The following COL22A1 variants were observed in gnomAD, a reference collection of about 807,000 sequenced individuals.
COL22A1 encodes collagen type XXII alpha 1 chain.
COL22A1 carries 221 observed loss-of-function variants against 248.9 expected under a neutral mutation model. The ratio of observed to expected loss-of-function variants is 0.89; its 90% CI spans 0.80 to 0.99. The LOEUF (loss-of-function observed/expected upper bound fraction) is 0.99. Among genes scored for constraint, COL22A1 ranks in the 50% least tolerant of loss-of-function variants. The pLI is 0.00. For missense variants in COL22A1, 2,240 were observed against 2,179.0 expected, an observed-to-expected ratio of 1.03 and a Z score of -0.56; for synonymous variants, 891 against 793.4, an observed-to-expected ratio of 1.12 and a Z score of -2.07.
chr8:138,778,416 A>G lies in COL22A1; in HGVS notation c.1705-10T>C. ...GTGGTCCTTGGGGCCCCTGCAGAAG[A>G]GCATTTACAGAGTAAAGTTTCAGGG... On this transcript the variant is annotated splice_polypyrimidine_tract_variant and intron_variant, in intron 14 of 64. Transcript: ENST00000303045. The G allele has an allele frequency of 3.2e-6, 5 of 1,582,042 alleles. No homozygotes were observed. Among genetic ancestry groups the G allele is most frequent in the Non-Finnish European group, 4.3e-6 (5 of 1,168,800 alleles).
chr8:138,667,349 G>A (rs1340595463), intron 41 of COL22A1, among the ~76,000 whole-genome samples: 1 of 152,136 alleles, frequency 6.6e-6, no homozygotes, highest in Non-Finnish European at 1.5e-5. Context: ...CAAACCTAGA[G>A]AGAGAGCAAG....
intron 13 of COL22A1, among the ~76,000 whole-genome samples, chr8:138,780,385 G>A (rs930475255): frequency 1.3e-5 from 2 of 152,296 alleles, no homozygotes; most frequent in Admixed American, 6.5e-5. Flanking sequence ...GGTGAAGAAC[G>A]CAGAACTAAT....
At chr8:138,715,171 A>C (rs530236009) in intron 30 of COL22A1, among the ~76,000 whole-genome samples, 1 of 152,330 alleles carries the variant, frequency 6.6e-6, no homozygotes, top group South Asian at 2.1e-4. Flanking sequence ...TTATAATTGC[A>C]AACAATAAAG....
intron 1 of COL22A1, among the ~76,000 whole-genome samples, chr8:138,896,290 G>A (rs1329098739): frequency 1.3e-5 from 2 of 152,140 alleles, no homozygotes; most frequent in African/African-American, 2.4e-5. Context: ...AGCATCATCT[G>A]ATACGGTGTT....
At chr8:138,755,242 A>G in intron 20 of COL22A1, 32 bp from the exon 21 acceptor site, 2 of 1,609,730 alleles carry the variant, frequency 1.2e-6, no homozygotes, top group Non-Finnish European at 1.7e-6. Context: ...ATGTTTAGTC[A>G]TGACTTTTCC....
intron 12 of COL22A1, among the ~76,000 whole-genome samples, chr8:138,793,271 C>A (rs190506252): frequency 2.7e-4 from 41 of 152,264 alleles, no homozygotes; most frequent in Admixed American, 1.7e-3. Flanking sequence ...TCACGAGTGG[C>A]CTTCTACCCT....
chr8:138,692,178 ATGTG>A (rs1827066713), intron 35 of COL22A1, among the ~76,000 whole-genome samples: 2 of 136,284 alleles, frequency 1.5e-5, no homozygotes, highest in Non-Finnish European at 1.6e-5. Context: ...GTGTGTGTGT[ATGTG>A]TGCACGTGCA....
At position 138,636,761 on chromosome 8, in the gene COL22A1, A is replaced by G; in HGVS notation, c.3536T>C (p.Val1179Ala). ...SQGERGADGE[V>A]GQKGDQGHPG... is the part of the protein sequence containing the mutation. ...TTTTACCTGATCACCTTTCTGCCCA[A>G]CCTCACCATCTGCACCACGTTCTCC... The change falls in exon 48 of 65, where the codon GTT (valine) becomes GCT (alanine). Residue 1179 changes from valine (V) to alanine (A), a missense_variant. Coordinates refer to ENST00000303045, the MANE Select transcript of COL22A1 (RefSeq NM_152888.3). 5.0e-6 allele frequency: 8 copies of G among 1,613,580 alleles called. No individual in the cohort carries two copies. Among genetic ancestry groups the G allele is most frequent in the South Asian group, 4.4e-5 (4 of 91,064 alleles).
intron 3 of COL22A1, among the ~76,000 whole-genome samples, chr8:138,857,064 T>C (rs6985916): frequency 0.57 from 85,947 of 151,552 alleles, 25,513 homozygotes; most frequent in East Asian, 0.74. Context: ...CCTCCTGGCC[T>C]TGCTGTCCGC....
chr8:138,885,782 C>T (rs994593156), intron 1 of COL22A1, among the ~76,000 whole-genome samples: 1 of 152,048 alleles, frequency 6.6e-6, no homozygotes, highest in Non-Finnish European at 1.5e-5. Context: ...AGGCTGGTTT[C>T]GAACTCCCGA....
At chr8:138,798,869 G>A (rs1331690056) in intron 11 of COL22A1, among the ~76,000 whole-genome samples, 1 of 152,106 alleles carries the variant, frequency 6.6e-6, no homozygotes, top group African/African-American at 2.4e-5. Context: ...TGAATATGCA[G>A]ACTACTGCTT....
At chr8:138,697,477 T>C (rs1207682857) in intron 32 of COL22A1, among the ~76,000 whole-genome samples, 1 of 152,170 alleles carries the variant, frequency 6.6e-6, no homozygotes, top group Non-Finnish European at 1.5e-5. Flanking sequence ...CTGTCCCTCC[T>C]TCCTCCAGCA....
chr8:138,758,723 A>G (rs1833223781), intron 18 of COL22A1, among the ~76,000 whole-genome samples: 1 of 152,170 alleles, frequency 6.6e-6, no homozygotes. Flanking sequence ...GCATCATATC[A>G]CCTGAGCTTC....
At chr8:138,663,829 C>T in intron 41 of COL22A1, 89 bp from the exon 42 acceptor site, 1 of 1,050,438 alleles carries the variant, frequency 9.5e-7, no homozygotes, top group South Asian at 1.3e-5. Flanking sequence ...GACAGGTCCT[C>T]AGTTGTCCTA....
chr8:138,806,214 A>ATGTGTGATGGGGTATG (rs1817712875), intron 10 of COL22A1, among the ~76,000 whole-genome samples: 1 of 30,252 alleles, frequency 3.3e-5, no homozygotes, highest in African/African-American at 1.5e-4. Flanking sequence ...TGGCATGTGT[A>ATGTGTGATGGGGTATG]TGTGTGATGG....
chr8:138,599,015 C>T (rs1208814845), intron 60 of COL22A1, 117 bp from the exon 61 acceptor site: 10 of 1,045,196 alleles, frequency 9.6e-6, no homozygotes, highest in Non-Finnish European at 1.1e-5. Context: ...AGACCTTGGC[C>T]CTGGGTGGCC....
intron 52 of COL22A1, among the ~76,000 whole-genome samples, 155 bp downstream of exon 52, chr8:138,623,577 A>G (rs1819998215): frequency 6.6e-6 from 1 of 152,104 alleles, no homozygotes; most frequent in Non-Finnish European, 1.5e-5. Context: ...AAATGGGGAC[A>G]GCAGTGTTTA....
chr8:138,873,555 GA>G (rs1191020307), intron 3 of COL22A1, among the ~76,000 whole-genome samples: 36 of 152,322 alleles, frequency 2.4e-4, no homozygotes, highest in African/African-American at 8.7e-4. Context: ...CCTTGTGTGT[GA>G]AGACATACAC....
intron 40 of COL22A1, among the ~76,000 whole-genome samples, chr8:138,679,157 G>C (rs1008100217): frequency 6.6e-6 from 1 of 152,100 alleles, no homozygotes; most frequent in Admixed American, 6.6e-5. Flanking sequence ...AACTCAAACA[G>C]TCCTCCCTCT....
Sources: gnomAD v4.1 joint callset for allele counts (sites outside exome capture counted in the v4.1 genomes callset) on GRCh38, gnomAD v4.1.1 for gene constraint, MANE v1.5 for transcripts, NCBI Gene and HGNC (gene_info 2026-07-23, HGNC 2026-07-21) for gene names.